Variants in TPO observed in about 807,000 individuals in gnomAD.
TPO encodes thyroid peroxidase, also known as thyroid microsomal antigen.
In TPO, 78 loss-of-function variants were observed where a neutral mutation model predicts 96.9. The observed-to-expected ratio is 0.81, with a 90% CI of 0.67 to 0.97. TPO has a LOEUF of 0.97. Ranked by LOEUF, TPO falls within the 50% of genes least tolerant of loss-of-function variation. The probability of loss-of-function intolerance (pLI) is 0.00; values close to 1 mark genes in which losing one functional copy is unlikely to be tolerated. For synonymous variants in TPO, 547 were observed against 538.0 expected, an observed-to-expected ratio of 1.02 and a Z score of -0.23; for missense variants, 1,252 against 1,274.8, an observed-to-expected ratio of 0.98 and a Z score of 0.27.
At chr2:1,512,834 C>T (rs1674299596) in intron 14 of TPO, among the ~76,000 whole-genome samples, 1 of 152,186 alleles carries the variant, frequency 6.6e-6, no homozygotes, top group Non-Finnish European at 1.5e-5. Context: ...GGGAGGTGAA[C>T]AGCTGGGGAT....
chr2:1,510,534 G>A (rs1435113968), intron 14 of TPO, among the ~76,000 whole-genome samples: 1 of 152,158 alleles, frequency 6.6e-6, no homozygotes, highest in Admixed American at 6.5e-5. Context: ...GAGTCCCAGT[G>A]GAGGTCAGGA....
intron 8 of TPO, among the ~76,000 whole-genome samples, chr2:1,480,440 G>A (rs895303743): frequency 2.6e-5 from 4 of 151,886 alleles, no homozygotes; most frequent in South Asian, 2.1e-4. Flanking sequence ...CTCGTAGTTT[G>A]GTAACTTTGT....
chr2:1,540,869 T>A, intron 16 of TPO, 146 bp downstream of exon 16: 1 of 1,552,828 alleles, frequency 6.4e-7, no homozygotes, highest in Non-Finnish European at 8.7e-7. Flanking sequence ...TCCGGGAGGT[T>A]TTATTTACAA....
intron 2 of TPO, among the ~76,000 whole-genome samples, chr2:1,422,026 G>C (rs999480129): frequency 2.6e-5 from 4 of 152,154 alleles, no homozygotes; most frequent in African/African-American, 9.6e-5. Flanking sequence ...GCCCCACACC[G>C]GGGGGCTCTG....
At chr2:1,400,719 C>T (rs577365868) in intron 1 of TPO, among the ~76,000 whole-genome samples, 2 of 150,980 alleles carry the variant, frequency 1.3e-5, no homozygotes, top group Non-Finnish European at 2.9e-5. Flanking sequence ...GGAACTGATG[C>T]AGGCTTTTAT....
chr2:1,512,288 A>G, intron 14 of TPO: 3 of 538,506 alleles, frequency 5.6e-6, no homozygotes, highest in Non-Finnish European at 7.1e-6. Context: ...TTTTCTATAA[A>G]CGCTGAAGCC....
intron 7 of TPO, among the ~76,000 whole-genome samples, 157 bp from the exon 8 acceptor site, chr2:1,476,929 G>T (rs988919723): frequency 6.6e-6 from 1 of 152,138 alleles, no homozygotes; most frequent in Admixed American, 6.5e-5. Flanking sequence ...CAGGCCGGGG[G>T]GGGAGGTGAG....
intron 15 of TPO, among the ~76,000 whole-genome samples, chr2:1,529,732 A>T (rs62117035): frequency 0.049 from 1,116 of 22,866 alleles, 2 homozygotes; most frequent in African/African-American, 0.17. Flanking sequence ...CCCCACTGTG[A>T]GCAATCTCCT....
chr2:1,499,789 T>G (rs1300454199), intron 13 of TPO, among the ~76,000 whole-genome samples: 1 of 152,236 alleles, frequency 6.6e-6, no homozygotes, highest in African/African-American at 2.4e-5. Context: ...TGGGCCCAAC[T>G]TCATGTTCTC....
At chr2:1,390,612 T>A (rs1661985435) in intron 1 of TPO, among the ~76,000 whole-genome samples, 1 of 152,224 alleles carries the variant, frequency 6.6e-6, no homozygotes, top group Non-Finnish European at 1.5e-5. Context: ...CACACTGTCT[T>A]CCACAATGGT....
chr2:1,529,080 CCCAA>C (rs1435826183), intron 15 of TPO, among the ~76,000 whole-genome samples: 4 of 140,160 alleles, frequency 2.9e-5, no homozygotes, highest in Non-Finnish European at 6.1e-5. Context: ...CCTAAATCCC[CCCAA>C]CTGTGTTTAA....
intron 16 of TPO, chr2:1,541,083 G>A: frequency 8.2e-7 from 1 of 1,216,932 alleles, no homozygotes; most frequent in Non-Finnish European, 1.0e-6. Context: ...AAGTGGAATA[G>A]TTATAATCAG....
Position 1,504,170 on chromosome 2 carries a change from C to A in TPO, c.2518+91C>A, listed in dbSNP as rs1206957805. 5 of 1,595,266 alleles carry A rather than the reference C, an allele frequency of 3.1e-6. No individual in the cohort carries two copies. The Admixed American group carries it at 6.7e-5, about 21-fold the overall frequency. On this transcript the variant is annotated intron_variant, in intron 14 of 16. Transcript: ENST00000329066. ...GTTCAAGTTAGGCAACTGTCAATCA[C>A]CATCTTGATTGGGAAGGGCGGAGAT...
chr2:1,510,624 C>T (rs1222015711), intron 14 of TPO, among the ~76,000 whole-genome samples: 1 of 152,168 alleles, frequency 6.6e-6, no homozygotes, highest in East Asian at 1.9e-4. Context: ...TCCCGGAGAG[C>T]ACCCAAAGAT....
intron 15 of TPO, among the ~76,000 whole-genome samples, chr2:1,540,132 G>T (rs143822258): frequency 6.6e-6 from 1 of 152,112 alleles, no homozygotes; most frequent in Non-Finnish European, 1.5e-5. Flanking sequence ...CTGGGACGGC[G>T]CTTCCTCCCC....
chr2:1,420,061 A>G (rs950105659), intron 2 of TPO, among the ~76,000 whole-genome samples: 21 of 152,182 alleles, frequency 1.4e-4, no homozygotes, highest in Admixed American at 1.3e-3. Context: ...TGTCTCTGGG[A>G]GGAAGTTTTC....
At chr2:1,380,321 G>A (rs1178589998) in intron 1 of TPO, among the ~76,000 whole-genome samples, 1 of 151,172 alleles carries the variant, frequency 6.6e-6, no homozygotes, top group Non-Finnish European at 1.5e-5. Flanking sequence ...ATGAACCCGG[G>A]AGGCAGAGCT....
rs1371907761 is a variant in TPO, at chr2:1,543,570, G to T, written c.*1096G>T. On this transcript the variant is annotated 3_prime_UTR_variant, in exon 17 of 17. Transcript: ENST00000329066. ...TGTGACCCAAAAATACCAGACTGTT[G>T]TTTTCCCTAGGTGCCAGGCCATCCT... is the stretch of plus-strand genomic sequence containing the variant. The T allele has an allele frequency of 6.6e-6, 1 of 152,102 alleles. No homozygotes were observed. Among genetic ancestry groups the T allele is most frequent in the African/African-American group, 2.4e-5 (1 of 41,432 alleles). 9.4% of individuals were successfully genotyped at this position (152,102 alleles called of 1,614,324 possible).
At chr2:1,460,534 C>T (rs527832907) in intron 7 of TPO, among the ~76,000 whole-genome samples, 3 of 152,172 alleles carry the variant, frequency 2.0e-5, no homozygotes, top group Non-Finnish European at 2.9e-5. Context: ...GTATATTTCC[C>T]AGGCTGGCCT....
Sources: allele counts gnomAD v4.1 joint callset (sites outside exome capture counted in the v4.1 genomes callset), GRCh38; gene constraint gnomAD v4.1.1; transcripts MANE v1.5; gene names NCBI Gene and HGNC (gene_info 2026-07-23, HGNC 2026-07-21).